Variants in MUC15 observed in about 807,000 individuals in gnomAD.
MUC15 encodes mucin 15, cell surface associated.
A neutral mutation model predicts 24.0 loss-of-function variants in MUC15; 23 were observed. The observed-to-expected ratio is 0.96, with a 90% CI of 0.69 to 1.36. MUC15 has a LOEUF of 1.36. MUC15 is among the 40% of genes most tolerant of loss of function. MUC15 has a pLI of 0.00. For synonymous variants in MUC15, 151 were observed against 156.3 expected (o/e 0.97, Z 0.25); for missense variants, 442 against 428.2 (o/e 1.03, Z -0.29).
chr11:26,566,030 T>A, intron 2 of MUC15, 134 bp from the exon 3 acceptor site: 6 of 981,644 alleles, frequency 6.1e-6, no homozygotes, highest in Non-Finnish European at 8.5e-6. Context: ...ATTCCAAAAT[T>A]GCTTATTTTG....
In MUC15 at chr11:26,565,648, G is replaced by GAC; in HGVS notation, c.290_291dup (p.His98ValfsTer6). On this transcript the variant is annotated frameshift_variant, in exon 3 of 5. Coordinates refer to ENST00000529533, the MANE Select transcript of MUC15 (RefSeq NM_001135091.2). LOFTEE classifies it high-confidence loss of function. Reference sequence around the variant, plus strand: ...TTGGGTAGATTCAAAGGAGGGGAATGACTCGCCTTGAGATTTGAGGTGGTT... The same window carrying GAC: ...TTGGGTAGATTCAAAGGAGGGGAATGACACTCGCCTTGAGATTTGAGGTGGTT... 4 of 1,608,656 alleles carry GAC rather than the reference G, an allele frequency of 2.5e-6. No individual in the cohort carries two copies. In the South Asian group the frequency reaches 3.3e-5, roughly 13 times the overall value.
chr11:26,566,246 T>G (rs528915531), intron 2 of MUC15, among the ~76,000 whole-genome samples: 81 of 152,118 alleles, frequency 5.3e-4, no homozygotes, highest in African/African-American at 1.7e-3. Context: ...GTATATGAAC[T>G]GTTAAATAAC....
In MUC15 at chr11:26,559,946, C is replaced by G. The variant is rs1023700845; in HGVS notation, c.*1119G>C. On this transcript the variant is annotated 3_prime_UTR_variant, in exon 5 of 5. Transcript: ENST00000529533. ...GTTTGCTCTCTTCATATATTCAGTG[C>G]TTCTTTAGGAATTTAACTCTTGATC... 3.9e-6 allele frequency: 2 copies of G among 509,584 alleles called. No homozygotes were observed. The highest frequency in any genetic ancestry group is 7.0e-6 in the Non-Finnish European group (2 of 285,606). The allele number at this position is 509,584 out of a possible 1,614,324, so 31.6% of individuals were successfully genotyped here. A position where few individuals can be genotyped will look rare whatever the true frequency, so the allele number is the denominator to read the frequency against.
At position 26,559,859 on chromosome 11, in the gene MUC15, C is replaced by G; in HGVS notation, c.*1206G>C. 1.1e-6 allele frequency: 1 copy of G among 905,696 alleles called. No individual in the cohort carries two copies. Among genetic ancestry groups the G allele is most frequent in the East Asian group, 2.4e-5 (1 of 41,522 alleles). The allele number at this position is 905,696 out of a possible 1,614,324, so 56.1% of individuals were successfully genotyped here. On this transcript the variant is annotated 3_prime_UTR_variant, in exon 5 of 5. Coordinates refer to ENST00000529533, the MANE Select transcript of MUC15 (RefSeq NM_001135091.2). ...TTACACACACACACACACACACACA[C>G]ACACACACACACACACCATGAATCA...
chr11:26,562,676 G>C (rs1850339885), intron 4 of MUC15, among the ~76,000 whole-genome samples: 2 of 151,794 alleles, frequency 1.3e-5, no homozygotes, highest in African/African-American at 4.8e-5. Flanking sequence ...ATGGTTAATG[G>C]AGGGCTGCTG....
intron 4 of MUC15, 116 bp downstream of exon 4, chr11:26,562,999 GT>G: frequency 7.2e-7 from 1 of 1,390,846 alleles, no homozygotes; most frequent in South Asian, 1.6e-5. Flanking sequence ...TAAGTCTTTA[GT>G]TTGTTCATTC....
chr11:26,560,819 GA>G lies in MUC15; in HGVS notation c.*245del. On this transcript the variant is annotated 3_prime_UTR_variant, in exon 5 of 5. Transcript: ENST00000529533. ...TGATTCCACAAATATTTTCTACTAAGAAAATACTACTAAAATACAAATTAAG... is the reference window on the plus strand; with the variant it reads ...TGATTCCACAAATATTTTCTACTAAGAAATACTACTAAAATACAAATTAAG... 2 of 355,002 alleles carry G rather than the reference GA, an allele frequency of 5.6e-6. No individual in the cohort carries two copies. Among genetic ancestry groups the G allele is most frequent in the South Asian group, 1.0e-4 (2 of 19,374 alleles). The allele number at this position is 355,002 out of a possible 1,614,324, so 22.0% of individuals were successfully genotyped here.
In MUC15 at chr11:26,560,216, C is replaced by G. The variant is rs1850233166; in HGVS notation, c.*849G>C. On this transcript the variant is annotated 3_prime_UTR_variant, in exon 5 of 5. Transcript: ENST00000529533. ...TTCCATTATGATTGAGCAATAATGT[C>G]TAATACATAAGAAATCCAGTTCCTA... 6.4e-6 allele frequency: 1 copy of G among 155,650 alleles called. No homozygotes were observed. Among genetic ancestry groups the G allele is most frequent in the African/African-American group, 2.4e-5 (1 of 41,448 alleles). The allele number at this position is 155,650 out of a possible 1,614,324, so 9.6% of individuals were successfully genotyped here. A position where few individuals can be genotyped will look rare whatever the true frequency, so the allele number is the denominator to read the frequency against.
Position 26,561,185 on chromosome 11 carries a change from A to G in MUC15, c.966T>C (p.Ser322=). 6.2e-7 allele frequency: 1 copy of G among 1,612,316 alleles called. No individual in the cohort carries two copies. Among genetic ancestry groups the G allele is most frequent in the Non-Finnish European group, 8.5e-7 (1 of 1,179,052 alleles). Residue 322 remains serine (S), a synonymous_variant, in exon 5 of 5, where the codon AGT becomes AGC. Coordinates refer to ENST00000529533, the MANE Select transcript of MUC15 (RefSeq NM_001135091.2). ...GATTGTAGTAGCTAGAATTCCCAAA[A>G]CTCACATCATAAGGTTCCGGTGCAT... ...LDNAPEPYDV[S]FGNSSYYNPT...
In MUC15 at chr11:26,560,999, G is replaced by T; in HGVS notation, c.*66C>A. 1 of 1,469,334 alleles carries T rather than the reference G, an allele frequency of 6.8e-7. No individual in the cohort carries two copies. Among genetic ancestry groups the T allele is most frequent in the Non-Finnish European group, 9.2e-7 (1 of 1,081,744 alleles). 91.0% of individuals were successfully genotyped at this position (1,469,334 alleles called of 1,614,324 possible). ...AGTAATTTTGTGTAACCTTTTGAAAGATGAATTTGTCAAAAGGCTAGGATG... is the reference window on the plus strand; with the variant it reads ...AGTAATTTTGTGTAACCTTTTGAAATATGAATTTGTCAAAAGGCTAGGATG... On this transcript the variant is annotated 3_prime_UTR_variant, in exon 5 of 5. Coordinates refer to ENST00000529533, the MANE Select transcript of MUC15 (RefSeq NM_001135091.2).
chr11:26,567,199 GCTAAAATTTGC>G, intron 1 of MUC15, 60 bp from the exon 2 acceptor site: 11 of 1,084,984 alleles, frequency 1.0e-5, no homozygotes, highest in Non-Finnish European at 1.2e-5. Context: ...CTCATTAGAG[GCTAAAATTTGC>G]AGTGCTTTTA....
chr11:26,565,311 AAG>A lies in MUC15; in HGVS notation c.627_628del (p.Leu210AspfsTer13), dbSNP rs769429640. On this transcript the variant is annotated frameshift_variant, in exon 3 of 5. Coordinates refer to ENST00000529533, the MANE Select transcript of MUC15 (RefSeq NM_001135091.2). LOFTEE classifies it high-confidence loss of function. The stretch of plus-strand genomic sequence containing the variant: ...AAGCCATCCACTTGGTTCCACTATC[AAG>A]GGGGTCACAGATGGAGAAGTTGGTT... The A allele has an allele frequency of 1.1e-5, 18 of 1,610,640 alleles. No homozygotes were observed. The highest frequency in any genetic ancestry group is 8.5e-7 in the Non-Finnish European group (1 of 1,178,054).
rs1850620038 is a variant in MUC15 at position 26,567,105 on chromosome 11, A to G, written c.-11T>C. 3 of 1,466,024 alleles carry G rather than the reference A, an allele frequency of 2.0e-6. No homozygotes were observed. The South Asian group carries it at 4.5e-5, about 22-fold the overall frequency. 90.8% of individuals were successfully genotyped at this position (1,466,024 alleles called of 1,614,324 possible). A position where few individuals can be genotyped will look rare whatever the true frequency, so the allele number is the denominator to read the frequency against. On this transcript the variant is annotated 5_prime_UTR_variant, in exon 2 of 5. Coordinates refer to ENST00000529533, the MANE Select transcript of MUC15 (RefSeq NM_001135091.2). ...TTGTATTATGCCCATTTTGCAGATGAAGAAACTGAAGCTCACAATGGCTAG... is the reference window on the plus strand; with the variant it reads ...TTGTATTATGCCCATTTTGCAGATGGAGAAACTGAAGCTCACAATGGCTAG...
In MUC15 at chr11:26,559,144, A is replaced by C. The variant is rs976400923; in HGVS notation, c.*1921T>G. The C allele has an allele frequency of 6.6e-6, 1 of 152,260 alleles. No individual in the cohort carries two copies. The highest frequency in any genetic ancestry group is 2.4e-5 in the African/African-American group (1 of 41,446). 9.4% of individuals were successfully genotyped at this position (152,260 alleles called of 1,614,324 possible). On this transcript the variant is annotated 3_prime_UTR_variant, in exon 5 of 5. Transcript: ENST00000529533. Reference sequence around the variant, plus strand: ...AAGTTTCAGTTGATATCTGATTAAAAAACACTTTGTTTCATAAGTGTTCAG... The same window carrying C: ...AAGTTTCAGTTGATATCTGATTAAACAACACTTTGTTTCATAAGTGTTCAG...
Position 26,565,710 on chromosome 11 carries a change from T to G in MUC15, c.230A>C (p.Glu77Ala). 6.2e-7 allele frequency: 1 copy of G among 1,612,986 alleles called. No homozygotes were observed. Among genetic ancestry groups the G allele is most frequent in the East Asian group, 2.2e-5 (1 of 44,832 alleles). The change falls in exon 3 of 5, where the codon GAA becomes GCA. Residue 77 changes from glutamate to alanine, a missense_variant. Glu to Ala is a moderately radical substitution (Grantham distance 107, BLOSUM62 -1). Transcript: ENST00000529533. ...KTMENKPISLESEANLNSDKE... is the reference protein window; with the variant it reads ...KTMENKPISLASEANLNSDKE... ...ATCTGAGTTTAAGTTTGCTTCACTT[T>G]CCAAAGAAATAGGTTTATTTTCCAT...
chr11:26,565,559 T>C lies in MUC15; in HGVS notation c.381A>G (p.Leu127=), dbSNP rs1251712134. 3 of 1,613,114 alleles carry C rather than the reference T, an allele frequency of 1.9e-6. No homozygotes were observed. In the Admixed American group the frequency reaches 5.0e-5, roughly 27 times the overall value. Residue 127 remains leucine, a synonymous_variant, in exon 3 of 5, where the codon CTA becomes CTG. Transcript: ENST00000529533. ...TTGTGGAAATGGTAGATGTGGGTTT[T>C]AGACTGCCCAAAGAATGCTCTGCTG... ...NSSAEHSLGS[L]KPTSTISTSP...
chr11:26,565,119 A>T, intron 3 of MUC15, 46 bp downstream of exon 3: 1 of 1,480,494 alleles, frequency 6.8e-7, no homozygotes. Context: ...ACTTATTTGG[A>T]ATTTCAGTTT....
chr11:26,561,693 TA>T (rs1038025206), intron 4 of MUC15, among the ~76,000 whole-genome samples: 4 of 151,958 alleles, frequency 2.6e-5, no homozygotes, highest in Non-Finnish European at 5.9e-5. Flanking sequence ...GTGGAGGAGA[TA>T]AAAAAAGTAT....
chr11:26,563,739 A>G (rs1032022478), intron 3 of MUC15, among the ~76,000 whole-genome samples: 7 of 151,904 alleles, frequency 4.6e-5, no homozygotes, highest in African/African-American at 1.4e-4. Context: ...AGAAGTCACT[A>G]CAAGGAAAAA....
Sources: allele counts gnomAD v4.1 joint callset (sites outside exome capture counted in the v4.1 genomes callset), GRCh38; gene constraint gnomAD v4.1.1; transcripts MANE v1.5; gene names NCBI Gene and HGNC (gene_info 2026-07-23, HGNC 2026-07-21).